Variants in POLD3 observed in about 807,000 individuals in gnomAD.
POLD3 encodes the protein DNA polymerase delta 3, accessory subunit.
In POLD3, 19 loss-of-function variants were observed where a neutral mutation model predicts 58.2. The ratio of observed to expected loss-of-function variants is 0.33; its 90% confidence interval spans 0.23 to 0.48. The LOEUF (loss-of-function observed/expected upper bound fraction) is 0.48. POLD3 is among the 20% of genes least tolerant of loss of function. The pLI, the probability that POLD3 is intolerant of heterozygous loss-of-function variation, is 0.99. For synonymous variants in POLD3, 172 were observed against 193.5 expected (o/e 0.89, Z 0.92); for missense variants, 504 against 545.5 (o/e 0.92, Z 0.76).
intron 4 of POLD3, among the ~76,000 whole-genome samples, chr11:74,662,099 C>T (rs12789297): frequency 0.19 from 29,015 of 152,104 alleles, 3,423 homozygotes; most frequent in African/African-American, 0.32. Flanking sequence ...CCTCTCTGGC[C>T]CAGGGCAGGT....
At chr11:74,609,616 C>G (rs1004085056) in intron 3 of POLD3, among the ~76,000 whole-genome samples, 1 of 151,450 alleles carries the variant, frequency 6.6e-6, no homozygotes. Context: ...CTCCTGACCT[C>G]GTGATCCATC....
chr11:74,606,532 A>G (rs1471527124), intron 3 of POLD3, among the ~76,000 whole-genome samples: 7 of 152,216 alleles, frequency 4.6e-5, no homozygotes, highest in Admixed American at 2.0e-4. Flanking sequence ...AGAAAAATGC[A>G]TATGTTGACA....
downstream of POLD3, among the ~76,000 whole-genome samples, chr11:74,647,244 T>C (rs1185028058): frequency 6.6e-6 from 1 of 152,228 alleles, no homozygotes; most frequent in Non-Finnish European, 1.5e-5. Flanking sequence ...ACCCCTGGTA[T>C]AGTACTTTTT....
chr11:74,597,014 T>C (rs1453494426), intron 2 of POLD3, among the ~76,000 whole-genome samples: 1 of 152,262 alleles, frequency 6.6e-6, no homozygotes, highest in East Asian at 1.9e-4. Flanking sequence ...TGGACATTTA[T>C]TGATTCCATA....
intron 3 of POLD3, among the ~76,000 whole-genome samples, chr11:74,608,426 GT>G (rs1393967876): frequency 6.6e-6 from 1 of 151,990 alleles, no homozygotes; most frequent in Non-Finnish European, 1.5e-5. Context: ...TGGCCTTTCT[GT>G]TTTTTTAGCT....
intron 1 of POLD3, 127 bp downstream of exon 1, chr11:74,592,845 G>A: frequency 6.6e-7 from 1 of 1,512,072 alleles, no homozygotes; most frequent in African/African-American, 1.4e-5. Context: ...GTCCCCACGA[G>A]GGGACCTGGG....
chr11:74,641,018 A>G lies in POLD3; in HGVS notation c.*252A>G. 8.8e-7 allele frequency: 1 copy of G among 1,134,212 alleles called. No individual in the cohort carries two copies. The highest frequency in any genetic ancestry group is 4.6e-5 in the East Asian group (1 of 21,564). The allele number at this position is 1,134,212 out of a possible 1,614,324, so 70.3% of individuals were successfully genotyped here. ...AGTCTTTGACCTGTCCAGGAGAAGG[A>G]TTTACTCCAAAATTATACTGGAACA... On this transcript the variant is annotated 3_prime_UTR_variant, in exon 12 of 12. Transcript: ENST00000263681.
At chr11:74,603,961 CA>C (rs1233391132) in intron 2 of POLD3, among the ~76,000 whole-genome samples, 1 of 152,136 alleles carries the variant, frequency 6.6e-6, no homozygotes, top group Non-Finnish European at 1.5e-5. Context: ...TTACTAAAAG[CA>C]ACATTATTTC....
At chr11:74,634,345 ATATT>A (rs2032682678) in intron 9 of POLD3, among the ~76,000 whole-genome samples, 1 of 152,220 alleles carries the variant, frequency 6.6e-6, no homozygotes, top group South Asian at 2.1e-4. Context: ...ATAAAAGAAA[ATATT>A]TAGCTAAGAT....
At chr11:74,658,065 C>A (rs2033159507) in intron 4 of POLD3, among the ~76,000 whole-genome samples, 1 of 152,106 alleles carries the variant, frequency 6.6e-6, no homozygotes, top group Non-Finnish European at 1.5e-5. Flanking sequence ...AGTTCATTTT[C>A]ATGCTGCTGA....
intron 4 of POLD3, among the ~76,000 whole-genome samples, chr11:74,667,553 ATG>A: frequency 2.0e-5 from 3 of 151,734 alleles, no homozygotes; most frequent in African/African-American, 7.3e-5. Context: ...ATTTTATGTC[ATG>A]AATATTTTAC....
Position 74,642,854 on chromosome 11 carries a change from C to CT in POLD3, c.*2089dup, listed in dbSNP as rs1451179344. 1 of 984,972 alleles carries CT rather than the reference C, an allele frequency of 1.0e-6. No homozygotes were observed. The highest frequency in any genetic ancestry group is 1.7e-5 in the African/African-American group (1 of 57,198). 61.0% of individuals were successfully genotyped at this position (984,972 alleles called of 1,614,324 possible). On this transcript the variant is annotated 3_prime_UTR_variant, in exon 12 of 12. Transcript: ENST00000263681. ...ATTGTTAAAACTGCATACCCACAGT[C>CT]TGAGATGAACAAGTTATTTGCTGCC...
At chr11:74,610,552 T>C (rs2031875736) in intron 3 of POLD3, among the ~76,000 whole-genome samples, 1 of 152,202 alleles carries the variant, frequency 6.6e-6, no homozygotes, top group Admixed American at 6.5e-5. Context: ...TTGTTTTCTT[T>C]AATTTTAGAA....
At chr11:74,666,137 A>G (rs1411084731) in intron 4 of POLD3, among the ~76,000 whole-genome samples, 1 of 152,226 alleles carries the variant, frequency 6.6e-6, no homozygotes, top group Non-Finnish European at 1.5e-5. Context: ...TTAGAAAACA[A>G]TTGCATTTAC....
intron 1 of POLD3, chr11:74,593,031 T>C: frequency 9.3e-6 from 11 of 1,183,546 alleles, no homozygotes; most frequent in Non-Finnish European, 8.4e-6. Flanking sequence ...TACACCTTTC[T>C]TTTAAGGTGG....
At position 74,642,932 on chromosome 11, in the gene POLD3, T is replaced by C. The variant is rs2032952215; in HGVS notation, c.*2166T>C. On this transcript the variant is annotated 3_prime_UTR_variant, in exon 12 of 12. Transcript: ENST00000263681. ...ATGTTAGTTTCAGCCAACCTCATTT[T>C]TTAGTTCATCTAGAAGAAAATCTAG... The C allele has an allele frequency of 1.0e-6, 1 of 985,306 alleles. No individual in the cohort carries two copies. The highest frequency in any genetic ancestry group is 1.2e-6 in the Non-Finnish European group (1 of 829,910). The allele number at this position is 985,306 out of a possible 1,614,324, so 61.0% of individuals were successfully genotyped here. A position where few individuals can be genotyped will look rare whatever the true frequency, so the allele number is the denominator to read the frequency against.
chr11:74,607,279 T>C (rs1297083716), intron 3 of POLD3, among the ~76,000 whole-genome samples: 1 of 149,542 alleles, frequency 6.7e-6, no homozygotes, highest in Admixed American at 6.7e-5. Context: ...TATTTATTTT[T>C]TGAGACCGAG....
At chr11:74,594,559 T>G (rs900714626) in intron 2 of POLD3, among the ~76,000 whole-genome samples, 1 of 152,254 alleles carries the variant, frequency 6.6e-6, no homozygotes, top group African/African-American at 2.4e-5. Context: ...TTTCCATATT[T>G]TGACTGCTAT....
intron 5 of POLD3, 131 bp from the exon 6 acceptor site, chr11:74,618,406 G>A: frequency 1.5e-6 from 1 of 656,272 alleles, no homozygotes; most frequent in Non-Finnish European, 2.7e-6. Flanking sequence ...TTAGAGTTAA[G>A]TATTGTGTGG....
Sources: gnomAD v4.1 joint callset for allele counts (sites outside exome capture counted in the v4.1 genomes callset) on GRCh38, gnomAD v4.1.1 for gene constraint, MANE v1.5 for transcripts, NCBI Gene and HGNC (gene_info 2026-07-23, HGNC 2026-07-21) for gene names.